GLS: variants seen among roughly 807,000 people sequenced by gnomAD.
The protein encoded by GLS is glutaminase.
A neutral mutation model predicts 86.7 loss-of-function variants in GLS; 36 were observed. That is an observed-to-expected ratio of 0.42 (90% CI 0.32 to 0.55). The LOEUF is 0.55. Ranked by LOEUF, GLS falls within the 20% of genes least tolerant of loss-of-function variation. GLS has a pLI of 0.17. For synonymous variants in GLS, 317 were observed against 305.9 expected (o/e 1.04, Z -0.38); for missense variants, 528 against 833.4 (o/e 0.63, Z 4.51).
At chr2:190,934,786 A>G (rs747114255) in intron 14 of GLS, 17 of 968,452 alleles carry the variant, frequency 1.8e-5, no homozygotes, top group Non-Finnish European at 2.1e-5. Context: ...ATACTTAAAA[A>G]TGAAGTACTG....
intron 1 of GLS, among the ~76,000 whole-genome samples, chr2:190,892,055 A>G (rs368739215): frequency 2.0e-5 from 3 of 152,146 alleles, no homozygotes; most frequent in African/African-American, 7.2e-5. Flanking sequence ...TCATAGATCT[A>G]TTCTTGTAAT....
At chr2:190,904,902 A>G in intron 5 of GLS, 102 bp from the exon 6 acceptor site, 1 of 726,786 alleles carries the variant, frequency 1.4e-6, no homozygotes, top group Non-Finnish European at 2.4e-6. Context: ...TTATGGGAAA[A>G]TTTTTGTTGG....
chr2:190,934,943 ATTCT>A (rs1328705489), intron 14 of GLS: 4 of 969,330 alleles, frequency 4.1e-6, no homozygotes, highest in Admixed American at 1.2e-4. Flanking sequence ...ACATATTTTG[ATTCT>A]TTCAGTATTC....
rs1574623265 is a variant in GLS, at chr2:190,956,214, G to A, written c.1853+1396G>A. ...CTTTGCCCATGCCTATGTCCTGAATGGTATTGCCTAGGTTTTCTTCTAGGG... is the reference window on the plus strand; with the variant it reads ...CTTTGCCCATGCCTATGTCCTGAATAGTATTGCCTAGGTTTTCTTCTAGGG... On this transcript the variant is annotated intron_variant, in intron 17 of 17. Transcript: ENST00000320717. The surrounding 1 kb of genome is among the most constrained non-coding windows in gnomAD (Gnocchi z 4.2). Among the ~76,000 whole-genome samples the A allele has an allele frequency of 6.6e-6, 1 of 152,218 alleles. No homozygotes were observed. The highest frequency in any genetic ancestry group is 2.4e-5 in the African/African-American group (1 of 41,524).
At chr2:190,900,824 A>G in intron 4 of GLS, 131 bp downstream of exon 4, 1 of 546,668 alleles carries the variant, frequency 1.8e-6, no homozygotes, top group Non-Finnish European at 3.2e-6. Context: ...TAAGAAATTT[A>G]AGTGAAGCCA....
intron 3 of GLS, among the ~76,000 whole-genome samples, chr2:190,899,908 C>G (rs1426055333): frequency 1.3e-5 from 2 of 151,920 alleles, no homozygotes; most frequent in Non-Finnish European, 2.9e-5. Flanking sequence ...ATTTACATAT[C>G]TTACATTAAA....
At chr2:190,910,352 T>C (rs765883309) in intron 7 of GLS, 31 bp downstream of exon 7, 10 of 1,298,872 alleles carry the variant, frequency 7.7e-6, no homozygotes, top group South Asian at 1.3e-5. Flanking sequence ...TTTAACCTAG[T>C]AAAACTTTTT....
In GLS at chr2:190,917,397, A is replaced by G. The variant is rs901194638; in HGVS notation, c.1039-3627A>G. Among the ~76,000 whole-genome samples the G allele has an allele frequency of 3.2e-4, 48 of 152,166 alleles. 1 individual carries two copies. The highest frequency in any genetic ancestry group is 2.8e-3 in the Admixed American group (43 of 15,260). ...TAATTCTAGTTCTCTTGATATTTCC[A>G]TCACATGTGTGGTTACTTCCTCCAC... is the stretch of plus-strand genomic sequence containing the variant. On this transcript the variant is annotated intron_variant, in intron 7 of 17. Coordinates refer to ENST00000320717, the MANE Select transcript of GLS (RefSeq NM_014905.5).
Position 190,881,329 on chromosome 2 carries a change from A to AGCTGGGCAAGGGGAGCACGCATCC in GLS, c.248_271dup (p.Leu83_Pro90dup). ...AGCTCTCCTTCGGAGATCTTGCAGG[A>AGCTGGGCAAGGGGAGCACGCATCC]GCTGGGCAAGGGGAGCACGCATCCG... On this transcript the variant is annotated inframe_insertion, in exon 1 of 18. Coordinates refer to ENST00000320717, the MANE Select transcript of GLS (RefSeq NM_014905.5). The AGCTGGGCAAGGGGAGCACGCATCC allele has an allele frequency of 6.6e-7, 1 of 1,525,444 alleles. No individual in the cohort carries two copies. The highest frequency in any genetic ancestry group is 1.2e-5 in the South Asian group (1 of 82,612). 94.5% of individuals were successfully genotyped at this position (1,525,444 alleles called of 1,614,324 possible).
At chr2:190,923,691 G>A (rs2883713) in intron 9 of GLS, among the ~76,000 whole-genome samples, 71,043 of 152,040 alleles carry the variant, frequency 0.47, 18,647 homozygotes, top group Non-Finnish European at 0.6. Flanking sequence ...ACCTGAATTC[G>A]TTTCAGTCAT....
In GLS at chr2:190,950,493, G is replaced by A. The variant is rs938021394; in HGVS notation, c.1651-3072G>A. ...TATTGATGAGCTAGATGTGGGCTGT[G>A]AGAGAAAGAATAGAATCAAGGACTA... is the stretch of plus-strand genomic sequence containing the variant. On this transcript the variant is annotated intron_variant, in intron 14 of 17. Transcript: ENST00000320717. Among the ~76,000 whole-genome samples, 10 of 152,166 alleles carry A rather than the reference G, an allele frequency of 6.6e-5. No individual in the cohort carries two copies. The East Asian group carries it at 1.9e-3, about 29-fold the overall frequency.
chr2:190,911,779 A>G (rs904683403), intron 7 of GLS, among the ~76,000 whole-genome samples: 17 of 152,082 alleles, frequency 1.1e-4, no homozygotes, highest in Non-Finnish European at 1.5e-5. Flanking sequence ...TTCCCAGAAA[A>G]ATATCCACAT....
intron 1 of GLS, among the ~76,000 whole-genome samples, chr2:190,886,913 T>A (rs1688401396): frequency 2.2e-5 from 1 of 44,738 alleles, no homozygotes; most frequent in South Asian, 7.4e-4. Flanking sequence ...GAGACTCTTG[T>A]CTCAAAAAAA....
intron 3 of GLS, among the ~76,000 whole-genome samples, chr2:190,899,575 C>G (rs73054709): frequency 0.036 from 5,522 of 152,078 alleles, 347 homozygotes; most frequent in African/African-American, 0.13. Flanking sequence ...GAGTATCTTA[C>G]TCTTAAGATT....
intron 14 of GLS, among the ~76,000 whole-genome samples, chr2:190,946,837 A>G (rs754671656): frequency 9.2e-5 from 14 of 152,170 alleles, no homozygotes; most frequent in Non-Finnish European, 5.9e-5. Context: ...TCTGAGATCT[A>G]TTAAGGACTC....
chr2:190,927,089 A>AG (rs1689921557), intron 11 of GLS: 1 of 455,852 alleles, frequency 2.2e-6, no homozygotes. Context: ...TCTGCCATTA[A>AG]AAGACTGAGT....
chr2:190,920,457 G>A lies in GLS; in HGVS notation c.1039-567G>A, dbSNP rs2124893284. The stretch of plus-strand genomic sequence containing the variant: ...TTTTAGTTCAAGTATATTATAGCAA[G>A]TGAGAGCTATTAAGAATAGAGCTTT... On this transcript the variant is annotated intron_variant, in intron 7 of 17. Coordinates refer to ENST00000320717, the MANE Select transcript of GLS (RefSeq NM_014905.5). This position sits in a 1 kb window ranked among gnomAD's most constrained non-coding sequence, Gnocchi z 4.2. 6.6e-6 allele frequency among the ~76,000 whole-genome samples: 1 copy of A among 151,858 alleles called. No individual in the cohort carries two copies. The highest frequency in any genetic ancestry group is 6.6e-5 in the Admixed American group (1 of 15,264).
In GLS at chr2:190,881,275, C is replaced by T. The variant is rs924149908; in HGVS notation, c.191C>T (p.Pro64Leu). Residue 64 changes from proline to leucine, a missense_variant, in exon 1 of 18, where the codon CCG becomes CTG. Coordinates refer to ENST00000320717, the MANE Select transcript of GLS (RefSeq NM_014905.5). ...CCGTGGTGGGGCGGGGGCGGCTGGC[C>T]GGCGGAGCCCCTCGCGCGGGGCCTG... ...LHPWWGGGGW[P>L]AEPLARGLSS... 25 of 1,308,858 alleles carry T rather than the reference C, an allele frequency of 1.9e-5. 1 individual carries two copies. In the Admixed American group the frequency reaches 3.0e-4, roughly 16 times the overall value. 81.1% of individuals were successfully genotyped at this position (1,308,858 alleles called of 1,614,324 possible). A position where few individuals can be genotyped will look rare whatever the true frequency, so the allele number is the denominator to read the frequency against.
At chr2:190,898,116 T>C (rs944692085) in intron 3 of GLS, among the ~76,000 whole-genome samples, 3 of 152,240 alleles carry the variant, frequency 2.0e-5, no homozygotes, top group East Asian at 1.9e-4. Flanking sequence ...TTTCTTTGTA[T>C]GATCATAATT....
Sources: gnomAD v4.1 joint callset for allele counts (sites outside exome capture counted in the v4.1 genomes callset) on GRCh38, gnomAD v4.1.1 for gene constraint, Gnocchi (gnomAD v3.1) non-coding constraint, MANE v1.5 for transcripts, NCBI Gene and HGNC (gene_info 2026-07-23, HGNC 2026-07-21) for gene names.